The following SNX24 variants were observed in gnomAD, a reference collection of about 807,000 sequenced individuals.
SNX24 encodes sorting nexin 24.
Under a neutral mutation model 28.7 loss-of-function variants are expected in SNX24, and 22 were observed. The observed-to-expected ratio is 0.77, with a 90% CI of 0.55 to 1.10. The LOEUF is 1.10. SNX24 is among the 50% of genes least tolerant of loss of function. The pLI is 0.00. For missense variants in SNX24, 221 were observed against 201.1 expected, an observed-to-expected ratio of 1.10 and a Z score of -0.60; for synonymous variants, 69 against 71.5, an observed-to-expected ratio of 0.96 and a Z score of 0.18.
chr5:122,862,581 A>T (rs1427603680), intron 1 of SNX24, among the ~76,000 whole-genome samples: 1 of 150,362 alleles, frequency 6.7e-6, no homozygotes, highest in Non-Finnish European at 1.5e-5. Flanking sequence ...CAGCCTGGGC[A>T]ACAGAGCAAG....
intron 1 of SNX24, among the ~76,000 whole-genome samples, chr5:122,929,465 C>A (rs1261108927): frequency 1.3e-5 from 2 of 152,018 alleles, no homozygotes; most frequent in African/African-American, 4.8e-5. Context: ...ACAACGTTGC[C>A]TTATAAATTA....
chr5:122,962,072 G>T (rs41500644), intron 3 of SNX24, among the ~76,000 whole-genome samples: 1 of 152,102 alleles, frequency 6.6e-6, no homozygotes. Context: ...TAATTTCTTA[G>T]AACAACGTAT....
At chr5:123,000,562 C>T (rs960192451) in intron 4 of SNX24, among the ~76,000 whole-genome samples, 4 of 151,896 alleles carry the variant, frequency 2.6e-5, no homozygotes, top group Non-Finnish European at 4.4e-5. Flanking sequence ...CAGGAACTTC[C>T]AGTGGCAGGA....
At chr5:122,940,039 G>T (rs1407785863) in intron 2 of SNX24, among the ~76,000 whole-genome samples, 4 of 151,560 alleles carry the variant, frequency 2.6e-5, no homozygotes, top group African/African-American at 7.3e-5. Flanking sequence ...GCCCAGGCTG[G>T]AATGAAGTGG....
At chr5:122,977,603 A>G (rs547837388) in intron 3 of SNX24, among the ~76,000 whole-genome samples, 3 of 152,190 alleles carry the variant, frequency 2.0e-5, no homozygotes, top group Admixed American at 6.5e-5. Context: ...CGGTGCATGC[A>G]CTGGAAATTT....
At chr5:123,028,886 G>C (rs1762902149) in intron 5 of SNX24, 1 of 1,556,362 alleles carries the variant, frequency 6.4e-7, no homozygotes, top group African/African-American at 1.4e-5. Flanking sequence ...GATTACTTCA[G>C]TTGAATAACA....
intron 1 of SNX24, among the ~76,000 whole-genome samples, chr5:122,864,383 A>G (rs1324585729): frequency 1.3e-5 from 2 of 152,142 alleles, no homozygotes; most frequent in Non-Finnish European, 2.9e-5. Context: ...AAGAATTGTA[A>G]CCGCCCAATG....
chr5:122,873,805 A>G (rs955311175), intron 1 of SNX24, among the ~76,000 whole-genome samples: 3 of 131,466 alleles, frequency 2.3e-5, no homozygotes, highest in Admixed American at 1.8e-4. Context: ...CACTCTTGTC[A>G]CCCAGGCTGG....
At chr5:122,924,702 T>C (rs999876538) in intron 1 of SNX24, among the ~76,000 whole-genome samples, 1 of 152,166 alleles carries the variant, frequency 6.6e-6, no homozygotes, top group African/African-American at 2.4e-5. Flanking sequence ...TTATATACCT[T>C]GTCGTATTTA....
At chr5:122,875,813 C>T (rs944937950) in intron 1 of SNX24, among the ~76,000 whole-genome samples, 1 of 152,164 alleles carries the variant, frequency 6.6e-6, no homozygotes, top group African/African-American at 2.4e-5. Flanking sequence ...TTTTGAGACA[C>T]AGTCTTGCTC....
intron 1 of SNX24, among the ~76,000 whole-genome samples, chr5:122,859,704 C>T (rs1755370706): frequency 6.6e-6 from 1 of 152,304 alleles, no homozygotes; most frequent in East Asian, 1.9e-4. Flanking sequence ...GCCCGTGACA[C>T]AGCCATCAGG....
chr5:122,926,293 GGTGA>G (rs1489724143), intron 1 of SNX24, among the ~76,000 whole-genome samples: 4 of 152,148 alleles, frequency 2.6e-5, no homozygotes, highest in Admixed American at 2.0e-4. Context: ...GCTGGACCAG[GGTGA>G]GTGAGAGGGA....
In SNX24 at chr5:123,007,494, C is replaced by T. The variant is rs555155783; in HGVS notation, c.443-188C>T. On this transcript the variant is annotated intron_variant, in intron 6 of 6. Transcript: ENST00000261369. ...TTCCTGCCGCGCCTGGTGGTGTGCTCAAGTGGCTTTAGGCTGAAGCAGCAT... is the reference window on the plus strand; with the variant it reads ...TTCCTGCCGCGCCTGGTGGTGTGCTTAAGTGGCTTTAGGCTGAAGCAGCAT... Among the ~76,000 whole-genome samples, 18 of 152,286 alleles carry T rather than the reference C, an allele frequency of 1.2e-4. No individual in the cohort carries two copies. In the South Asian group the frequency reaches 2.1e-3, roughly 18 times the overall value.
chr5:122,932,724 T>C (rs980363537), intron 1 of SNX24, among the ~76,000 whole-genome samples: 35 of 151,994 alleles, frequency 2.3e-4, no homozygotes, highest in Admixed American at 5.2e-4. Flanking sequence ...CTGGGCATGG[T>C]GGCGGGCGCC....
At chr5:122,966,200 C>A (rs939513643) in intron 3 of SNX24, among the ~76,000 whole-genome samples, 1 of 152,088 alleles carries the variant, frequency 6.6e-6, no homozygotes, top group Non-Finnish European at 1.5e-5. Flanking sequence ...ACATATTGTC[C>A]CTCTAATAGG....
At chr5:122,848,541 T>TAAAAAA (rs33950601) in intron 1 of SNX24, among the ~76,000 whole-genome samples, 1 of 135,172 alleles carries the variant, frequency 7.4e-6, no homozygotes, top group African/African-American at 2.8e-5. Flanking sequence ...CATCTCTACT[T>TAAAAAA]AAAAAAAAAA....
chr5:123,015,164 T>G (rs942383420), intron 5 of SNX24, among the ~76,000 whole-genome samples: 2 of 152,224 alleles, frequency 1.3e-5, no homozygotes, highest in African/African-American at 4.8e-5. Flanking sequence ...GTGAACAGTT[T>G]CTCTAGTGTG....
At chr5:122,866,132 G>A (rs976817378) in intron 1 of SNX24, among the ~76,000 whole-genome samples, 3 of 152,188 alleles carry the variant, frequency 2.0e-5, no homozygotes, top group South Asian at 2.1e-4. Flanking sequence ...TGGTTGTGTG[G>A]TCATAGCTGG....
intron 3 of SNX24, among the ~76,000 whole-genome samples, chr5:122,976,871 C>T (rs942983912): frequency 1.3e-5 from 2 of 152,192 alleles, no homozygotes; most frequent in Non-Finnish European, 1.5e-5. Context: ...AGCATGGCAG[C>T]GGTTTGTTTG....
Sources: allele counts gnomAD v4.1 joint callset (sites outside exome capture counted in the v4.1 genomes callset), GRCh38; gene constraint gnomAD v4.1.1; transcripts MANE v1.5; gene names NCBI Gene and HGNC (gene_info 2026-07-23, HGNC 2026-07-21).